The following FAM90A1 variants were observed in gnomAD, a reference collection of about 807,000 sequenced individuals.
FAM90A1 encodes protein FAM90A1.
Under a neutral mutation model 14.8 loss-of-function variants are expected in FAM90A1, and 10 were observed. The observed-to-expected ratio is 0.67, with a 90% CI of 0.42 to 1.14. The LOEUF is 1.14. Ranked by LOEUF, FAM90A1 falls within the 50% of genes most tolerant of loss-of-function variation. The probability of loss-of-function intolerance (pLI) is 0.00; values close to 1 mark genes in which losing one functional copy is unlikely to be tolerated. For synonymous variants in FAM90A1, 236 were observed against 248.4 expected (o/e 0.95, Z 0.47); for missense variants, 567 against 602.8 (o/e 0.94, Z 0.62).
chr12:8,221,762 C>T lies in FAM90A1; in HGVS notation c.*60G>A, dbSNP rs1443097130. 3.4e-5 allele frequency: 52 copies of T among 1,521,634 alleles called. No homozygotes were observed. Among genetic ancestry groups the T allele is most frequent in the Non-Finnish European group, 4.5e-5 (50 of 1,113,848 alleles). The allele number at this position is 1,521,634 out of a possible 1,614,324, so 94.3% of individuals were successfully genotyped here. On this transcript the variant is annotated 3_prime_UTR_variant, in exon 7 of 7. Coordinates refer to ENST00000538603, the MANE Select transcript of FAM90A1 (RefSeq NM_018088.3). ...TGCTCTCTGCTCTGTGCTCCTCAGT[C>T]CCACAGTCCCCTCCAAGTCACGGGA...
rs766654536 is a variant in FAM90A1, at chr12:8,223,864, G to C, written c.323+152C>G. 7 of 890,344 alleles carry C rather than the reference G, an allele frequency of 7.9e-6. No homozygotes were observed. The Admixed American group carries it at 1.2e-4, about 15-fold the overall frequency. 55.2% of individuals were successfully genotyped at this position (890,344 alleles called of 1,614,324 possible). Reference sequence around the variant, plus strand: ...AGAGCCAAAGGAGCTCTTGGGTGTGGAACTCCGGAAGACACAGAGCTCCGG... The same window carrying C: ...AGAGCCAAAGGAGCTCTTGGGTGTGCAACTCCGGAAGACACAGAGCTCCGG... On this transcript the variant is annotated intron_variant, in intron 5 of 6. Transcript: ENST00000538603.
chr12:8,224,964 C>T, intron 3 of FAM90A1, 76 bp from the exon 4 acceptor site: 4 of 1,177,438 alleles, frequency 3.4e-6, no homozygotes, highest in Non-Finnish European at 3.7e-6. Context: ...AAGCCCCCCG[C>T]TAATTCCTTG....
rs776730809 is a variant in FAM90A1, at chr12:8,222,303, G to C, written c.914C>G (p.Pro305Arg). 4 of 1,611,454 alleles carry C rather than the reference G, an allele frequency of 2.5e-6. No individual in the cohort carries two copies. The highest frequency in any genetic ancestry group is 2.3e-4 in the Middle Eastern group (1 of 4,438). The change falls in exon 7 of 7, where the codon CCC becomes CGC. Residue 305 changes from proline (P) to arginine (R), a missense_variant. Physicochemically the swap from Pro to Arg is moderately radical, Grantham distance 103 (BLOSUM62 -2). Coordinates refer to ENST00000538603, the MANE Select transcript of FAM90A1 (RefSeq NM_018088.3). ...PAPIQACLNF[P>R]KKPRLGPFQI... is the part of the protein sequence containing the mutation. The stretch of plus-strand genomic sequence containing the variant: ...GAAGGGACCCAGTCTCGGTTTCTTG[G>C]GGAAGTTCAGGCAAGCCTGAATCGG...
rs2120823225 is a variant in FAM90A1 at position 8,221,802 on chromosome 12, A to T, written c.*20T>A. ...AAGTCACGGGAGCTGGAGGCCAAGG[A>T]GCCCCTGCCACCTGCAGTCTCACTC... is the stretch of plus-strand genomic sequence containing the variant. On this transcript the variant is annotated 3_prime_UTR_variant, in exon 7 of 7. Transcript: ENST00000538603. 1 of 1,591,024 alleles carries T rather than the reference A, an allele frequency of 6.3e-7. No individual in the cohort carries two copies. The highest frequency in any genetic ancestry group is 2.2e-5 in the East Asian group (1 of 44,842).
chr12:8,224,593 T>C (rs1231042997), intron 4 of FAM90A1, 117 bp downstream of exon 4: 2 of 895,968 alleles, frequency 2.2e-6, no homozygotes, highest in African/African-American at 1.7e-5. Flanking sequence ...AAAAGCAACC[T>C]GGGTGGTGGT....
chr12:8,224,782 G>A lies in FAM90A1; in HGVS notation c.51C>T (p.Ala17=), dbSNP rs1229030115. Residue 17 remains alanine (A), a synonymous_variant, in exon 4 of 7, where the codon GCC becomes GCT. Coordinates refer to ENST00000538603, the MANE Select transcript of FAM90A1 (RefSeq NM_018088.3). ...PKPGAKRLVR[A]QTLQKQRRAP... ...CCCTCCGCTGCTTCTGGAGGGTCTG[G>A]GCTCTCACCAGTCTCTTTGCCCCAG... 29 of 1,607,692 alleles carry A rather than the reference G, an allele frequency of 1.8e-5. No homozygotes were observed. The highest frequency in any genetic ancestry group is 2.3e-5 in the Non-Finnish European group (27 of 1,179,484).
At chr12:8,225,460 T>G (rs937676028) in intron 3 of FAM90A1, among the ~76,000 whole-genome samples, 2 of 152,232 alleles carry the variant, frequency 1.3e-5, no homozygotes, top group African/African-American at 4.8e-5. Context: ...CTCCAGCCCC[T>G]CTTTATTTAT....
At chr12:8,226,640 C>T (rs1283828576) in intron 1 of FAM90A1, among the ~76,000 whole-genome samples, 162 bp from the exon 2 acceptor site, 3 of 152,128 alleles carry the variant, frequency 2.0e-5, no homozygotes, top group Non-Finnish European at 4.4e-5. Flanking sequence ...CACTGCAGCT[C>T]TCTGCCATAG....
rs1192032432 is a variant in FAM90A1, at chr12:8,221,629, C to A, written c.*193G>T. 1.3e-5 allele frequency: 9 copies of A among 670,758 alleles called. No homozygotes were observed. In the South Asian group the frequency reaches 1.7e-4, roughly 13 times the overall value. The allele number at this position is 670,758 out of a possible 1,614,324, so 41.6% of individuals were successfully genotyped here. A position where few individuals can be genotyped will look rare whatever the true frequency, so the allele number is the denominator to read the frequency against. On this transcript the variant is annotated 3_prime_UTR_variant, in exon 7 of 7. Coordinates refer to ENST00000538603, the MANE Select transcript of FAM90A1 (RefSeq NM_018088.3). ...ACCATGCGAACTACAATGTCCCTCA[C>A]CAGAATTCAACGTGGCAGAGTCCCT...
At chr12:8,227,017 G>A (rs369071114) in intron 1 of FAM90A1, among the ~76,000 whole-genome samples, 7 of 151,944 alleles carry the variant, frequency 4.6e-5, no homozygotes, top group African/African-American at 1.7e-4. Flanking sequence ...TGGCCAGGCT[G>A]GTCTTGAACT....
chr12:8,222,068 C>A lies in FAM90A1; in HGVS notation c.1149G>T (p.Ala383=), dbSNP rs756156518. 1.9e-6 allele frequency: 3 copies of A among 1,607,106 alleles called. No homozygotes were observed. The highest frequency in any genetic ancestry group is 2.5e-6 in the Non-Finnish European group (3 of 1,179,966). Residue 383 remains alanine, a synonymous_variant, in exon 7 of 7, where the codon GCG becomes GCT. Coordinates refer to ENST00000538603, the MANE Select transcript of FAM90A1 (RefSeq NM_018088.3). ...GAGGCTGGGCCCCATCATGGCTGGC[C>A]GCTGGGTGATGGGACATGGTGCAGG... ...AQACTMSHHP[A]ASHDGAQPLR... is the part of the protein sequence containing the mutation.
At chr12:8,225,096 T>C (rs371592778) in intron 3 of FAM90A1, among the ~76,000 whole-genome samples, 9 of 152,208 alleles carry the variant, frequency 5.9e-5, no homozygotes, top group South Asian at 2.1e-4. Flanking sequence ...AGAGTAAACC[T>C]CGCCTGCCAC....
At chr12:8,226,545 G>C (rs2953221) in intron 1 of FAM90A1, 67 bp from the exon 2 acceptor site, 59,458 of 163,002 alleles carry the variant, frequency 0.36, 9,921 homozygotes, top group East Asian at 0.49. Context: ...CTTTTCAGCT[G>C]GTCTTGAGAC....
rs1565427513 is a variant in FAM90A1, at chr12:8,221,849, T to G, written c.1368A>C (p.Ser456=). The change falls in exon 7 of 7, where the codon TCA becomes TCC. Residue 456 remains serine (S), a synonymous_variant. Coordinates refer to ENST00000538603, the MANE Select transcript of FAM90A1 (RefSeq NM_018088.3). Reference sequence around the variant, plus strand: ...ACTCCAGGTCAGAATCGCTGTCCTCTGAGGAGGAGGGAACCTGAAGGTCCT... The same window carrying G: ...ACTCCAGGTCAGAATCGCTGTCCTCGGAGGAGGAGGGAACCTGAAGGTCCT... ...LYEDLQVPSS[S]EDSDSDLE 4 of 1,596,148 alleles carry G rather than the reference T, an allele frequency of 2.5e-6. No homozygotes were observed. The highest frequency in any genetic ancestry group is 3.4e-6 in the Non-Finnish European group (4 of 1,179,548).
rs763772203 is a variant in FAM90A1 at position 8,222,409 on chromosome 12, A to C, written c.808T>G (p.Cys270Gly). 8 of 1,611,452 alleles carry C rather than the reference A, an allele frequency of 5.0e-6. No individual in the cohort carries two copies. The highest frequency in any genetic ancestry group is 6.8e-6 in the Non-Finnish European group (8 of 1,179,692). Residue 270 changes from cysteine to glycine, a missense_variant, in exon 7 of 7, where the codon TGC becomes GGC. Transcript: ENST00000538603. ...AAGCTGTGTGTGGCGGCTGGTGGGC[A>C]GGGCTGTGAGGTCACCGCAGGACGT... Reference protein sequence around the residue: ...DKRPAVTSQPCPPAATHSLGL... With the variant: ...DKRPAVTSQPGPPAATHSLGL...
rs1176106530 is a variant in FAM90A1, at chr12:8,222,395, G to C, written c.822C>G (p.Ala274=). The change falls in exon 7 of 7, where the codon GCC becomes GCG. Residue 274 remains alanine (A), a synonymous_variant. Coordinates refer to ENST00000538603, the MANE Select transcript of FAM90A1 (RefSeq NM_018088.3). ...AVTSQPCPPA[A]THSLGLGSNL... is the part of the protein sequence containing the mutation. The stretch of plus-strand genomic sequence containing the variant: ...TGGAGCCTAGGCCCAAGCTGTGTGT[G>C]GCGGCTGGTGGGCAGGGCTGTGAGG... 1 of 1,611,784 alleles carries C rather than the reference G, an allele frequency of 6.2e-7. No homozygotes were observed. The highest frequency in any genetic ancestry group is 1.1e-5 in the South Asian group (1 of 90,988).
Position 8,227,523 on chromosome 12 carries a change from G to T in FAM90A1, c.-464C>A, listed in dbSNP as rs2970176. On this transcript the variant is annotated 5_prime_UTR_variant, in exon 1 of 7. In the 5' UTR this introduces an upstream ATG that the reference lacks. Transcript: ENST00000538603. ...CCGAGGCCAGCTGGCTGCAGGTGCA[G>T]GGCTATGCGTCAGGGGTCAGGGTGC... 0.25 allele frequency: 216,026 copies of T among 872,444 alleles called. 21,055 individuals carry two copies. Among genetic ancestry groups the T allele is most frequent in the East Asian group, 0.48 (17,294 of 35,942 alleles). 54.0% of individuals were successfully genotyped at this position (872,444 alleles called of 1,614,324 possible). A position where few individuals can be genotyped will look rare whatever the true frequency, so the allele number is the denominator to read the frequency against.
chr12:8,227,423 C>T, intron 1 of FAM90A1, 57 bp downstream of exon 1: 1 of 472,770 alleles, frequency 2.1e-6, no homozygotes, highest in Non-Finnish European at 3.8e-6. Flanking sequence ...CTGCGCACAA[C>T]ACAGACAGAA....
chr12:8,221,435 T>C lies in FAM90A1; in HGVS notation c.*387A>G, dbSNP rs1427662962. ...CGGGGCACAGCGGAAGGGCTGCACC[T>C]CTCAGGGTTCCCTAACTTTTCCCTT... On this transcript the variant is annotated 3_prime_UTR_variant, in exon 7 of 7. Transcript: ENST00000538603. The C allele has an allele frequency of 6.8e-5, 25 of 366,536 alleles. No homozygotes were observed. The East Asian group carries it at 1.6e-3, about 24-fold the overall frequency. The allele number at this position is 366,536 out of a possible 1,614,324, so 22.7% of individuals were successfully genotyped here. A position where few individuals can be genotyped will look rare whatever the true frequency, so the allele number is the denominator to read the frequency against.
Sources: gnomAD v4.1 joint callset for allele counts (sites outside exome capture counted in the v4.1 genomes callset) on GRCh38, gnomAD v4.1.1 for gene constraint, MANE v1.5 for transcripts, NCBI Gene and HGNC (gene_info 2026-07-23, HGNC 2026-07-21) for gene names.